Variants in SCLT1 observed in about 807,000 individuals in gnomAD.
SCLT1 encodes sodium channel and clathrin linker 1.
A neutral mutation model predicts 112.8 loss-of-function variants in SCLT1; 78 were observed. That is an observed-to-expected ratio of 0.69 (90% CI 0.58 to 0.83). SCLT1 has a LOEUF of 0.83. Ranked by LOEUF, SCLT1 falls within the 40% of genes least tolerant of loss-of-function variation. The probability of loss-of-function intolerance (pLI) is 0.00; values close to 1 mark genes in which losing one functional copy is unlikely to be tolerated. For synonymous variants in SCLT1, 257 were observed against 254.7 expected (o/e 1.01, Z -0.09); for missense variants, 747 against 770.4 (o/e 0.97, Z 0.36).
intron 18 of SCLT1, among the ~76,000 whole-genome samples, chr4:128,900,679 G>C (rs1052624329): frequency 2.0e-5 from 3 of 152,140 alleles, no homozygotes; most frequent in African/African-American, 7.2e-5. Flanking sequence ...TGACAAATGG[G>C]ATCTAATTAA....
In SCLT1 at chr4:128,957,108, T is replaced by C. The variant is rs751350400; in HGVS notation, c.1064A>G (p.Lys355Arg). ...TTTCTCTATGTCTTCTTCTTTTTGC[T>C]TCTCCTCAAGTAGAGCCTTCAGAAA... ...LQKSQALLEE[K>R]QKEEDIEKMK... Residue 355 changes from lysine (K) to arginine (R), a missense_variant, in exon 13 of 21, where the codon AAG (lysine) becomes AGG (arginine). Around this residue, in one of 2 missense-constraint regions of SCLT1, gnomAD observed 723 missense variants for 721.3 expected, o/e 1.00. Coordinates refer to ENST00000281142, the MANE Select transcript of SCLT1 (RefSeq NM_144643.4). The C allele has an allele frequency of 1.1e-5, 18 of 1,592,626 alleles. No individual in the cohort carries two copies. The highest frequency in any genetic ancestry group is 1.0e-4 in the Admixed American group (6 of 59,026).
chr4:129,078,819 T>C, intron 2 of SCLT1, among the ~76,000 whole-genome samples: 1 of 152,170 alleles, frequency 6.6e-6, no homozygotes. Flanking sequence ...AGGAAATACA[T>C]AAGACTGGGT....
At chr4:128,973,691 T>C (rs564792314) in intron 9 of SCLT1, among the ~76,000 whole-genome samples, 1 of 152,220 alleles carries the variant, frequency 6.6e-6, no homozygotes, top group Non-Finnish European at 1.5e-5. Flanking sequence ...TGAAATCTCC[T>C]GCTACATAAG....
intron 2 of SCLT1, among the ~76,000 whole-genome samples, chr4:129,072,517 T>C (rs1309178463): frequency 6.6e-6 from 1 of 152,146 alleles, no homozygotes; most frequent in Admixed American, 6.6e-5. Flanking sequence ...CTTTTTTGTC[T>C]TTGTTGGATT....
chr4:128,948,288 A>T (rs546937843), intron 15 of SCLT1, among the ~76,000 whole-genome samples: 9 of 144,430 alleles, frequency 6.2e-5, no homozygotes, highest in Non-Finnish European at 1.2e-4. Flanking sequence ...GTGAGCCGAG[A>T]TCATGCCACT....
At chr4:128,943,375 T>C (rs1737876167) in intron 16 of SCLT1, among the ~76,000 whole-genome samples, 187 bp from the exon 17 acceptor site, 1 of 152,166 alleles carries the variant, frequency 6.6e-6, no homozygotes, top group Non-Finnish European at 1.5e-5. Flanking sequence ...TCAACTTAAA[T>C]ATATTCAAAT....
intron 1 of SCLT1, among the ~76,000 whole-genome samples, chr4:129,085,795 T>C (rs1276191313): frequency 1.3e-5 from 2 of 152,032 alleles, no homozygotes; most frequent in African/African-American, 4.8e-5. Flanking sequence ...TTCTCAATTA[T>C]AAGTGGGAGG....
At position 128,988,159 on chromosome 4, in the gene SCLT1, C is replaced by A. The variant is rs535904157; in HGVS notation, c.686+4008G>T. On this transcript the variant is annotated intron_variant, in intron 9 of 20. Transcript: ENST00000281142. ...TCACTGGCAATAGTAAGTACACAGACAAATACAGAATATTCTAACTCTGTT... is the reference window on the plus strand; with the variant it reads ...TCACTGGCAATAGTAAGTACACAGAAAAATACAGAATATTCTAACTCTGTT... Among the ~76,000 whole-genome samples, 8 of 152,170 alleles carry A rather than the reference C, an allele frequency of 5.3e-5. No individual in the cohort carries two copies. The South Asian group carries it at 1.7e-3, about 32-fold the overall frequency.
intron 2 of SCLT1, among the ~76,000 whole-genome samples, chr4:129,056,593 G>A (rs976417738): frequency 4.6e-5 from 7 of 152,192 alleles, no homozygotes; most frequent in South Asian, 2.1e-4. Context: ...ATTTTCAGTA[G>A]CTATTGTAAA....
Position 128,928,381 on chromosome 4 carries a change from T to A in SCLT1, c.1829+8274A>T, listed in dbSNP as rs1252965739. ...TTAAATAAAATTCTAACAAATCAAA[T>A]CCAGAAATATATATAAGGAGAATGC... is the stretch of plus-strand genomic sequence containing the variant. On this transcript the variant is annotated intron_variant, in intron 18 of 20. Coordinates refer to ENST00000281142, the MANE Select transcript of SCLT1 (RefSeq NM_144643.4). Among the ~76,000 whole-genome samples, 4 of 152,140 alleles carry A rather than the reference T, an allele frequency of 2.6e-5. No individual in the cohort carries two copies. The East Asian group carries it at 7.7e-4, about 29-fold the overall frequency.
chr4:129,068,771 G>A (rs1403178055), intron 2 of SCLT1, among the ~76,000 whole-genome samples: 3 of 152,034 alleles, frequency 2.0e-5, no homozygotes, highest in Non-Finnish European at 4.4e-5. Flanking sequence ...AAGCCCTTTA[G>A]TTTAATTAGA....
Position 129,033,451 on chromosome 4 carries a change from T to C in SCLT1, c.290+5590A>G, listed in dbSNP as rs557425000. Among the ~76,000 whole-genome samples, 4 of 129,198 alleles carry C rather than the reference T, an allele frequency of 3.1e-5. No homozygotes were observed. The South Asian group carries it at 9.5e-4, about 31-fold the overall frequency. The allele number at this position is 129,198 out of a possible 152,430, so 84.8% of individuals were successfully genotyped here. A position where few individuals can be genotyped will look rare whatever the true frequency, so the allele number is the denominator to read the frequency against. On this transcript the variant is annotated intron_variant, in intron 5 of 20. Transcript: ENST00000281142. ...GCAGCAAACCACCATGGCACATGTA[T>C]ACCTATGTAACAAACCTGCATGTTC...
intron 10 of SCLT1, 65 bp from the exon 11 acceptor site, chr4:128,965,383 C>G (rs1013343297): frequency 3.1e-6 from 3 of 981,284 alleles, no homozygotes; most frequent in Non-Finnish European, 4.8e-6. Flanking sequence ...CATTATACAG[C>G]ATAAAGAAAA....
chr4:129,027,364 G>C (rs890111848), intron 5 of SCLT1, among the ~76,000 whole-genome samples: 1 of 152,132 alleles, frequency 6.6e-6, no homozygotes, highest in African/African-American at 2.4e-5. Flanking sequence ...TGATCAAGTG[G>C]GCTTCATCCC....
intron 8 of SCLT1, among the ~76,000 whole-genome samples, chr4:128,996,769 G>A (rs1343148482): frequency 6.6e-6 from 1 of 151,792 alleles, no homozygotes; most frequent in Admixed American, 6.6e-5. Context: ...CTCTGACCTG[G>A]AACCATGAAT....
At chr4:128,948,332 T>C (rs1440759044) in intron 15 of SCLT1, among the ~76,000 whole-genome samples, 164 bp downstream of exon 15, 3 of 79,678 alleles carry the variant, frequency 3.8e-5, no homozygotes, top group East Asian at 3.1e-4. Context: ...TGAGACTCCA[T>C]TGCAAAAAAA....
At chr4:128,965,084 T>A (rs1289815308) in intron 11 of SCLT1, 143 bp downstream of exon 11, 1 of 546,246 alleles carries the variant, frequency 1.8e-6, no homozygotes, top group Non-Finnish European at 3.3e-6. Context: ...ACAATGTCGA[T>A]TAAATCAGAT....
downstream of SCLT1, among the ~76,000 whole-genome samples, chr4:128,882,307 T>C (rs1023982944): frequency 6.6e-6 from 1 of 152,132 alleles, no homozygotes; most frequent in African/African-American, 2.4e-5. Flanking sequence ...AAATGAAAAA[T>C]TCTTTAAGAA....
At chr4:129,013,028 G>T (rs1340796833) in intron 5 of SCLT1, among the ~76,000 whole-genome samples, 1 of 151,936 alleles carries the variant, frequency 6.6e-6, no homozygotes, top group South Asian at 2.1e-4. Context: ...ACATGTGAAG[G>T]TTTGTTACAT....
Sources: gnomAD v4.1 joint callset for allele counts (sites outside exome capture counted in the v4.1 genomes callset) on GRCh38, gnomAD v4.1.1 for gene constraint, gnomAD v4.1.1 regional missense constraint, MANE v1.5 for transcripts, NCBI Gene and HGNC (gene_info 2026-07-23, HGNC 2026-07-21) for gene names.